Variants in PTPRD observed in about 807,000 individuals in gnomAD.
PTPRD encodes receptor-type tyrosine-protein phosphatase delta.
Under a neutral mutation model 214.5 loss-of-function variants are expected in PTPRD, and 34 were observed. The ratio of observed to expected loss-of-function variants is 0.16; its 90% CI spans 0.12 to 0.21. The LOEUF is 0.21. Among genes scored for constraint, PTPRD ranks in the 10% least tolerant of loss-of-function variants. The probability of loss-of-function intolerance (pLI) is 1.00; values close to 1 mark genes in which losing one functional copy is unlikely to be tolerated. For missense variants in PTPRD, 2,545 were observed against 2,398.7 expected, an observed-to-expected ratio of 1.06 and a Z score of -1.27; for synonymous variants, 1,128 against 845.7, an observed-to-expected ratio of 1.33 and a Z score of -5.79.
intron 8 of PTPRD, among the ~76,000 whole-genome samples, chr9:9,550,871 G>A (rs1368489638): frequency 6.6e-6 from 1 of 151,860 alleles, no homozygotes; most frequent in African/African-American, 2.4e-5. Flanking sequence ...AGCCATCAAT[G>A]TAAATTAAAA....
chr9:9,707,033 T>C lies in PTPRD; in HGVS notation c.-287+27500A>G, dbSNP rs545443441. Among the ~76,000 whole-genome samples the C allele has an allele frequency of 2.6e-4, 40 of 152,260 alleles. 1 individual carries two copies. The highest frequency in any genetic ancestry group is 9.1e-4 in the African/African-American group (38 of 41,566). ...GTGAAAAATACCACTCAAGAAAATA[T>C]TATCTGAGATTACAGATAAGAAAAT... is the stretch of plus-strand genomic sequence containing the variant. On this transcript the variant is annotated intron_variant, in intron 7 of 45. Coordinates refer to ENST00000381196, the MANE Select transcript of PTPRD (RefSeq NM_002839.4).
chr9:8,658,187 A>G (rs891134843), intron 12 of PTPRD, among the ~76,000 whole-genome samples: 4 of 152,220 alleles, frequency 2.6e-5, no homozygotes, highest in African/African-American at 9.6e-5. Context: ...CACAGATAAC[A>G]TGTATAACAG....
intron 3 of PTPRD, among the ~76,000 whole-genome samples, chr9:10,323,620 G>C (rs563229445): frequency 2.0e-5 from 3 of 151,830 alleles, no homozygotes; most frequent in African/African-American, 7.2e-5. Flanking sequence ...CATCAATGGA[G>C]AGAAAGGAGA....
intron 10 of PTPRD, among the ~76,000 whole-genome samples, chr9:9,034,402 T>C (rs2099615148): frequency 6.6e-6 from 1 of 151,786 alleles, no homozygotes; most frequent in Non-Finnish European, 1.5e-5. Context: ...GAGTCTGAGG[T>C]TTTCAATGCC....
chr9:8,474,392 C>G (rs2096721627), intron 30 of PTPRD, among the ~76,000 whole-genome samples: 1 of 152,104 alleles, frequency 6.6e-6, no homozygotes, highest in African/African-American at 2.4e-5. Flanking sequence ...GGCCCACGTA[C>G]CACTGAAGCT....
intron 4 of PTPRD, among the ~76,000 whole-genome samples, chr9:10,025,836 A>AT (rs2096912798): frequency 6.6e-6 from 1 of 152,230 alleles, no homozygotes; most frequent in African/African-American, 2.4e-5. Context: ...CATGTGGATG[A>AT]TTAAATAAAC....
chr9:9,073,120 A>G (rs2154411429), intron 10 of PTPRD, among the ~76,000 whole-genome samples: 1 of 152,308 alleles, frequency 6.6e-6, no homozygotes, highest in African/African-American at 2.4e-5. Context: ...ATGTTGAGGG[A>G]AACACTAATT....
At chr9:9,913,375 T>A (rs2079765283) in intron 5 of PTPRD, among the ~76,000 whole-genome samples, 1 of 151,888 alleles carries the variant, frequency 6.6e-6, no homozygotes, top group Non-Finnish European at 1.5e-5. Flanking sequence ...GCAGGAGGCA[T>A]AAAAGTGCTT....
intron 5 of PTPRD, among the ~76,000 whole-genome samples, chr9:9,785,656 G>A (rs1597750258): frequency 6.6e-6 from 1 of 152,172 alleles, no homozygotes. Flanking sequence ...AATGCAATTC[G>A]ACATAGTAAT....
intron 11 of PTPRD, among the ~76,000 whole-genome samples, chr9:8,899,680 C>G (rs533632137): frequency 6.6e-6 from 1 of 152,266 alleles, no homozygotes; most frequent in Admixed American, 6.5e-5. Flanking sequence ...TTGCCTGGAA[C>G]CCACAAAAGT....
chr9:8,382,231 C>T (rs564741144), intron 37 of PTPRD, among the ~76,000 whole-genome samples: 1 of 152,314 alleles, frequency 6.6e-6, no homozygotes, highest in South Asian at 2.1e-4. Flanking sequence ...TGAACATCAG[C>T]CTTTCCAGAC....
intron 3 of PTPRD, among the ~76,000 whole-genome samples, chr9:10,237,922 G>A (rs1237969613): frequency 6.6e-6 from 1 of 151,766 alleles, no homozygotes; most frequent in African/African-American, 2.4e-5. Context: ...GCTTCTGAGA[G>A]TTCAACATAT....
At chr9:8,744,858 C>G (rs2154449474) in intron 11 of PTPRD, among the ~76,000 whole-genome samples, 1 of 152,248 alleles carries the variant, frequency 6.6e-6, no homozygotes, top group East Asian at 1.9e-4. Context: ...ATGACTATTC[C>G]CACATCTCTC....
chr9:10,348,960 G>A (rs991316267), intron 2 of PTPRD, among the ~76,000 whole-genome samples: 2 of 152,096 alleles, frequency 1.3e-5, no homozygotes, highest in Non-Finnish European at 2.9e-5. Flanking sequence ...CCATGGCAGT[G>A]TAATTGATCA....
At chr9:10,461,537 G>A (rs1037774619) in intron 2 of PTPRD, among the ~76,000 whole-genome samples, 2 of 151,534 alleles carry the variant, frequency 1.3e-5, no homozygotes, top group Admixed American at 6.6e-5. Flanking sequence ...GTCACAATAT[G>A]AATGGACCTA....
chr9:9,996,528 G>C (rs188380039), intron 4 of PTPRD, among the ~76,000 whole-genome samples: 1 of 152,162 alleles, frequency 6.6e-6, no homozygotes, highest in Non-Finnish European at 1.5e-5. Context: ...ACTGACCTGA[G>C]GGTCCCTAAT....
chr9:10,401,725 T>C (rs76175835), intron 2 of PTPRD, among the ~76,000 whole-genome samples: 3,753 of 150,402 alleles, frequency 0.025, 100 homozygotes, highest in East Asian at 0.095. Context: ...ATAATTATCA[T>C]CTAGAATTTC....
At chr9:8,320,596 TTTTCTTA>T (rs903081258) in intron 44 of PTPRD, among the ~76,000 whole-genome samples, 1 of 152,002 alleles carries the variant, frequency 6.6e-6, no homozygotes, top group African/African-American at 2.4e-5. Context: ...TACTATGTTG[TTTTCTTA>T]TTTCTTGAGA....
chr9:8,894,521 G>A (rs548170604), intron 11 of PTPRD, among the ~76,000 whole-genome samples: 24 of 152,034 alleles, frequency 1.6e-4, no homozygotes, highest in Non-Finnish European at 3.1e-4. Context: ...GTGGGGGTTG[G>A]GGGGTGCTTA....
Sources: gnomAD v4.1 joint callset for allele counts (sites outside exome capture counted in the v4.1 genomes callset) on GRCh38, gnomAD v4.1.1 for gene constraint, MANE v1.5 for transcripts, NCBI Gene and HGNC (gene_info 2026-07-23, HGNC 2026-07-21) for gene names.